The following SUMF1 variants were observed in gnomAD, a reference collection of about 807,000 sequenced individuals.
SUMF1 encodes the protein formylglycine-generating enzyme.
SUMF1 carries 48 observed loss-of-function variants against 47.6 expected under a neutral mutation model. The observed-to-expected ratio is 1.01, with a 90% CI of 0.80 to 1.28. The LOEUF (loss-of-function observed/expected upper bound fraction) is 1.28. SUMF1 is among the 50% of genes most tolerant of loss of function. The probability of loss-of-function intolerance (pLI) is 0.00; values close to 1 mark genes in which losing one functional copy is unlikely to be tolerated. For missense variants in SUMF1, 571 were observed against 485.4 expected (o/e 1.18, Z -1.66); for synonymous variants, 230 against 192.1 (o/e 1.20, Z -1.63).
intron 8 of SUMF1, among the ~76,000 whole-genome samples, chr3:4,314,992 C>T (rs1042548043): frequency 2.0e-5 from 3 of 152,046 alleles, no homozygotes; most frequent in East Asian, 1.9e-4. Context: ...AAATATACAG[C>T]GTGTGAATTA....
chr3:4,249,405 T>C (rs2125007046), intron 8 of SUMF1, among the ~76,000 whole-genome samples: 1 of 152,342 alleles, frequency 6.6e-6, no homozygotes, highest in East Asian at 1.9e-4. Flanking sequence ...TTCATGTCTC[T>C]GTGTCACGTT....
intron 9 of SUMF1, among the ~76,000 whole-genome samples, chr3:4,059,342 C>G (rs1009824163): frequency 4.6e-5 from 7 of 152,082 alleles, no homozygotes; most frequent in African/African-American, 1.4e-4. Context: ...TTTCAACTGT[C>G]CCTTCTATGC....
chr3:4,361,892 C>A lies in SUMF1; in HGVS notation c.*252G>T, dbSNP rs961284067. The A allele has an allele frequency of 1.3e-5, 6 of 476,544 alleles. No homozygotes were observed. Among genetic ancestry groups the A allele is most frequent in the Middle Eastern group, 6.0e-4 (1 of 1,668 alleles). The allele number at this position is 476,544 out of a possible 1,614,324, so 29.5% of individuals were successfully genotyped here. Reference sequence around the variant, plus strand: ...AGCCTAGCTCAGGGTTCCCTCCACTCCCCTTCCTCTTTAAAGACTCTCAAA... The same window carrying A: ...AGCCTAGCTCAGGGTTCCCTCCACTACCCTTCCTCTTTAAAGACTCTCAAA... On this transcript the variant is annotated 3_prime_UTR_variant, in exon 9 of 9. Transcript: ENST00000272902.
chr3:4,058,127 A>G (rs1365240098), intron 9 of SUMF1, among the ~76,000 whole-genome samples: 2 of 152,166 alleles, frequency 1.3e-5, no homozygotes, highest in African/African-American at 4.8e-5. Flanking sequence ...TGATGCATTG[A>G]AAGATTCAAT....
At chr3:4,347,269 A>G (rs933989021) in intron 8 of SUMF1, among the ~76,000 whole-genome samples, 3 of 152,324 alleles carry the variant, frequency 2.0e-5, no homozygotes, top group East Asian at 1.9e-4. Context: ...ATGAACATCA[A>G]TGCAAAAATC....
chr3:4,387,934 C>T (rs1700726653), intron 7 of SUMF1, among the ~76,000 whole-genome samples: 1 of 151,962 alleles, frequency 6.6e-6, no homozygotes, highest in Admixed American at 6.6e-5. Flanking sequence ...TTGGAGAACA[C>T]ATTCTGTATG....
chr3:4,374,398 G>T (rs374381928), intron 8 of SUMF1, among the ~76,000 whole-genome samples: 1 of 152,120 alleles, frequency 6.6e-6, no homozygotes, highest in African/African-American at 2.4e-5. Flanking sequence ...GTATGTAGGA[G>T]TTTAAAAGAT....
rs77255146 is a variant in SUMF1, at chr3:4,450,011, G to A, written c.445-671C>T. On this transcript the variant is annotated intron_variant, in intron 2 of 8. Transcript: ENST00000272902. ...TATGTGGGCTCTTGTTTCAGCCACT[G>A]AAACACTGCTGCTCCCCAGAGCTCT... 6.7e-3 allele frequency among the ~76,000 whole-genome samples: 1,026 copies of A among 152,256 alleles called. 8 individuals carry two copies. The highest frequency in any genetic ancestry group is 0.024 in the African/African-American group (977 of 41,536).
chr3:4,445,758 A>G (rs1702760410), intron 3 of SUMF1, among the ~76,000 whole-genome samples: 1 of 152,236 alleles, frequency 6.6e-6, no homozygotes, highest in Non-Finnish European at 1.5e-5. Flanking sequence ...AGACACACAA[A>G]TGAATAATAT....
intron 8 of SUMF1, among the ~76,000 whole-genome samples, chr3:4,153,993 A>G (rs1313459706): frequency 1.3e-5 from 2 of 151,544 alleles, no homozygotes; most frequent in Admixed American, 1.3e-4. Flanking sequence ...CATTCCTTCA[A>G]CTTGCAAAGA....
intron 3 of SUMF1, 112 bp downstream of exon 3, chr3:4,449,154 A>G: frequency 2.6e-6 from 3 of 1,144,500 alleles, no homozygotes; most frequent in South Asian, 1.2e-5. Flanking sequence ...CAGCAGGAGA[A>G]TGGTTAGGTG....
intron 8 of SUMF1, among the ~76,000 whole-genome samples, chr3:4,135,806 T>C (rs1693912191): frequency 6.6e-6 from 1 of 152,096 alleles, no homozygotes; most frequent in South Asian, 2.1e-4. Flanking sequence ...TGTGCAAAAA[T>C]CACAAGCATT....
intron 3 of SUMF1, among the ~76,000 whole-genome samples, chr3:4,447,740 A>G (rs977497593): frequency 8.5e-5 from 13 of 152,214 alleles, no homozygotes; most frequent in Non-Finnish European, 1.8e-4. Flanking sequence ...ATCAGCAGTT[A>G]AGCAAGTGAC....
chr3:4,146,244 G>C (rs533792866), intron 8 of SUMF1, among the ~76,000 whole-genome samples: 1 of 152,094 alleles, frequency 6.6e-6, no homozygotes, highest in Non-Finnish European at 1.5e-5. Context: ...GAGAGGGAAG[G>C]CAATGATTAA....
chr3:4,102,435 A>G (rs933147552), intron 8 of SUMF1, among the ~76,000 whole-genome samples: 2 of 152,112 alleles, frequency 1.3e-5, no homozygotes, highest in African/African-American at 4.8e-5. Flanking sequence ...ATCCCACAAT[A>G]GCAGTAATGA....
At chr3:4,358,338 A>C (rs1416244923), downstream of SUMF1, among the ~76,000 whole-genome samples, 1 of 150,980 alleles carries the variant, frequency 6.6e-6, no homozygotes, top group Non-Finnish European at 1.5e-5. Flanking sequence ...TTCGAAACCA[A>C]CTCTAGATGT....
chr3:4,430,696 A>ACAAG (rs530825664), intron 3 of SUMF1, among the ~76,000 whole-genome samples: 134 of 152,082 alleles, frequency 8.8e-4, no homozygotes, highest in Non-Finnish European at 1.8e-3. Flanking sequence ...GGGAAGACAA[A>ACAAG]CAAGCAGATG....
At chr3:4,050,239 A>G (rs1401902755) in intron 9 of SUMF1, among the ~76,000 whole-genome samples, 1 of 151,352 alleles carries the variant, frequency 6.6e-6, no homozygotes, top group East Asian at 1.9e-4. Context: ...TCTACCCAGT[A>G]TTTCCCTATC....
chr3:4,417,988 C>T lies in SUMF1; in HGVS notation c.725+22G>A, dbSNP rs1388615411. 5 of 1,613,552 alleles carry T rather than the reference C, an allele frequency of 3.1e-6. No homozygotes were observed. The African/African-American group carries it at 4.0e-5, about 13-fold the overall frequency. On this transcript the variant is annotated intron_variant, in intron 5 of 8. Transcript: ENST00000272902. ...TTCAAATGACCAACATATTGTCAGG[C>T]AAAATGAGATCCTCTAAATACCTAT...
Sources: gnomAD v4.1 joint callset for allele counts (sites outside exome capture counted in the v4.1 genomes callset) on GRCh38, gnomAD v4.1.1 for gene constraint, MANE v1.5 for transcripts, NCBI Gene and HGNC (gene_info 2026-07-23, HGNC 2026-07-21) for gene names.